DCDC2: variants seen among roughly 807,000 people sequenced by gnomAD.
The protein encoded by DCDC2 is doublecortin domain-containing protein 2.
In DCDC2, 40 loss-of-function variants were observed where a neutral mutation model predicts 50.2. The observed-to-expected ratio is 0.80, with a 90% CI of 0.62 to 1.04. The LOEUF (loss-of-function observed/expected upper bound fraction) is 1.04, where lower values mean the gene tolerates loss of function less well. Among genes scored for constraint, DCDC2 ranks in the 50% least tolerant of loss-of-function variants. The probability of loss-of-function intolerance (pLI) is 0.00; values close to 1 mark genes in which losing one functional copy is unlikely to be tolerated. For synonymous variants in DCDC2, 234 were observed against 210.6 expected (o/e 1.11, Z -0.96); for missense variants, 570 against 581.9 (o/e 0.98, Z 0.21).
At chr6:24,193,991 T>A (rs1432821820) in intron 8 of DCDC2, among the ~76,000 whole-genome samples, 2 of 152,096 alleles carry the variant, frequency 1.3e-5, no homozygotes, top group Non-Finnish European at 2.9e-5. Flanking sequence ...ATTTTTTAAA[T>A]TAAAGTTTAA....
At chr6:24,204,552 A>G (rs1761667413) in intron 8 of DCDC2, among the ~76,000 whole-genome samples, 2 of 152,128 alleles carry the variant, frequency 1.3e-5, no homozygotes, top group South Asian at 4.1e-4. Flanking sequence ...TGGGTTGATG[A>G]GTGCAGCAAA....
At chr6:24,317,230 T>C (rs571332350) in intron 2 of DCDC2, among the ~76,000 whole-genome samples, 1 of 152,246 alleles carries the variant, frequency 6.6e-6, no homozygotes, top group South Asian at 2.1e-4. Flanking sequence ...ACAATTTTGA[T>C]AATTTTTAAA....
chr6:24,288,974 T>C lies in DCDC2; in HGVS notation c.705-68A>G, dbSNP rs1211797824. 6.6e-6 allele frequency: 8 copies of C among 1,216,558 alleles called. No individual in the cohort carries two copies. In the African/African-American group the frequency reaches 1.2e-4, roughly 19 times the overall value. The allele number at this position is 1,216,558 out of a possible 1,614,324, so 75.4% of individuals were successfully genotyped here. On this transcript the variant is annotated intron_variant, in intron 5 of 9. Coordinates refer to ENST00000378454, the MANE Select transcript of DCDC2 (RefSeq NM_016356.5). Reference sequence around the variant, plus strand: ...CAAATAATGTACAATGCAAGATAATTATCATCCCCACCTGGAAGTCAACTG... The same window carrying C: ...CAAATAATGTACAATGCAAGATAATCATCATCCCCACCTGGAAGTCAACTG...
chr6:24,174,554 C>T lies in DCDC2; in HGVS notation c.*176G>A. 2 of 455,950 alleles carry T rather than the reference C, an allele frequency of 4.4e-6. No homozygotes were observed. Among genetic ancestry groups the T allele is most frequent in the Admixed American group, 3.5e-5 (1 of 28,260 alleles). The allele number at this position is 455,950 out of a possible 1,614,324, so 28.2% of individuals were successfully genotyped here. On this transcript the variant is annotated 3_prime_UTR_variant, in exon 10 of 10. Transcript: ENST00000378454. ...CATGCAATAAAAGTAAGTAATTATC[C>T]TTTAGTAGCCATTTAAAGTTATCTG... is the stretch of plus-strand genomic sequence containing the variant.
chr6:24,215,276 C>T (rs1761950274), intron 7 of DCDC2, among the ~76,000 whole-genome samples: 1 of 152,182 alleles, frequency 6.6e-6, no homozygotes, highest in Admixed American at 6.5e-5. Flanking sequence ...CCAAGAACTG[C>T]AGGCAGATCC....
chr6:24,253,178 T>C (rs895439184), intron 7 of DCDC2, among the ~76,000 whole-genome samples: 1 of 151,800 alleles, frequency 6.6e-6, no homozygotes, highest in Admixed American at 6.6e-5. Flanking sequence ...AGGAAATAAA[T>C]ATAAGGGTAG....
intron 7 of DCDC2, among the ~76,000 whole-genome samples, chr6:24,270,768 A>C (rs1407207544): frequency 6.6e-6 from 1 of 152,146 alleles, no homozygotes; most frequent in Admixed American, 6.5e-5. Flanking sequence ...TCCCTAACCA[A>C]GCCCCCATGT....
intron 7 of DCDC2, among the ~76,000 whole-genome samples, chr6:24,228,645 T>G (rs1184953951): frequency 6.6e-6 from 1 of 152,260 alleles, no homozygotes; most frequent in Non-Finnish European, 1.5e-5. Flanking sequence ...CAAGTCATTT[T>G]AGAGCAGTGA....
the DCDC2 span, among the ~76,000 whole-genome samples, chr6:24,381,939 AAAG>A: frequency 0.091 from 12,896 of 142,216 alleles, 1,162 homozygotes; most frequent in East Asian, 0.38. Flanking sequence ...AGAAAGAAAG[AAAG>A]AAGAAGAAGG....
chr6:24,174,788 G>GTAATTT lies in DCDC2; in HGVS notation c.1367_1372dup (p.Lys456_Ile457dup). 1 of 1,613,548 alleles carries GTAATTT rather than the reference G, an allele frequency of 6.2e-7. No homozygotes were observed. Among genetic ancestry groups the GTAATTT allele is most frequent in the Non-Finnish European group, 8.5e-7 (1 of 1,179,746 alleles). ...GTTGTTTTCATTTTCTTCTGGACTG[G>GTAATTT]TAATTTTTACTTCTGGCCTTGGTGG... is the stretch of plus-strand genomic sequence containing the variant. On this transcript the variant is annotated inframe_insertion, in exon 10 of 10. Transcript: ENST00000378454.
At chr6:24,192,045 CAG>C (rs1761324966) in intron 8 of DCDC2, among the ~76,000 whole-genome samples, 1 of 152,142 alleles carries the variant, frequency 6.6e-6, no homozygotes, top group African/African-American at 2.4e-5. Context: ...TAGATTGGCT[CAG>C]AGTCTTTAAA....
chr6:24,310,501 G>A (rs182098031), intron 2 of DCDC2, among the ~76,000 whole-genome samples: 2 of 152,200 alleles, frequency 1.3e-5, no homozygotes, highest in Admixed American at 1.3e-4. Context: ...CACATTAAAT[G>A]TTGGTATTTC....
intron 2 of DCDC2, among the ~76,000 whole-genome samples, chr6:24,307,865 C>T (rs1759501709): frequency 6.6e-6 from 1 of 151,800 alleles, no homozygotes; most frequent in South Asian, 2.1e-4. Flanking sequence ...AGGGGATGTG[C>T]CATAACTGAT....
intron 2 of DCDC2, among the ~76,000 whole-genome samples, chr6:24,352,940 A>G (rs991507173): frequency 2.0e-5 from 3 of 152,166 alleles, no homozygotes; most frequent in African/African-American, 7.2e-5. Context: ...TTTCATTCAC[A>G]AACTAAAGAA....
intron 2 of DCDC2, among the ~76,000 whole-genome samples, chr6:24,308,127 G>A (rs10456301): frequency 0.055 from 8,433 of 152,266 alleles, 296 homozygotes; most frequent in Middle Eastern, 0.092. Flanking sequence ...TCAAGTGCAC[G>A]GAAGTGTAAC....
upstream of DCDC2, among the ~76,000 whole-genome samples, chr6:24,361,059 A>T (rs1448809106): frequency 1.3e-5 from 2 of 152,178 alleles, no homozygotes; most frequent in African/African-American, 4.8e-5. Context: ...GGACATTGCA[A>T]TCTGGAGAGA....
At chr6:24,369,635 T>C in the DCDC2 span, among the ~76,000 whole-genome samples, 1 of 151,798 alleles carries the variant, frequency 6.6e-6, no homozygotes, top group Non-Finnish European at 1.5e-5. Flanking sequence ...ATACTGAGTG[T>C]AACGGCCAAA....
At chr6:24,241,233 A>C (rs1390708161) in intron 7 of DCDC2, among the ~76,000 whole-genome samples, 2 of 152,238 alleles carry the variant, frequency 1.3e-5, no homozygotes, top group Non-Finnish European at 2.9e-5. Flanking sequence ...AGTTCTCTAC[A>C]GGCATTTTCA....
intron 8 of DCDC2, among the ~76,000 whole-genome samples, chr6:24,181,985 G>T (rs191139277): frequency 6.6e-6 from 1 of 152,308 alleles, no homozygotes; most frequent in African/African-American, 2.4e-5. Context: ...CAATGGAATA[G>T]AACAGAGAGT....
Sources: gnomAD v4.1 joint callset for allele counts (sites outside exome capture counted in the v4.1 genomes callset) on GRCh38, gnomAD v4.1.1 for gene constraint, MANE v1.5 for transcripts, NCBI Gene and HGNC (gene_info 2026-07-23, HGNC 2026-07-21) for gene names.